The following TDP1 variants were observed in gnomAD, a reference collection of about 807,000 sequenced individuals.
The protein encoded by TDP1 is tyrosyl-DNA phosphodiesterase 1.
A neutral mutation model predicts 81.5 loss-of-function variants in TDP1; 64 were observed. The ratio of observed to expected loss-of-function variants is 0.79; its 90% CI spans 0.64 to 0.97. The LOEUF is 0.97. Ranked by LOEUF, TDP1 falls within the 50% of genes least tolerant of loss-of-function variation. The pLI, the probability that TDP1 is intolerant of heterozygous loss-of-function variation, is 0.00. For missense variants in TDP1, 723 were observed against 743.8 expected (o/e 0.97, Z 0.33); for synonymous variants, 256 against 264.3 (o/e 0.97, Z 0.30).
At chr14:90,007,614 CT>C (rs1449895430) in intron 14 of TDP1, among the ~76,000 whole-genome samples, 1 of 151,964 alleles carries the variant, frequency 6.6e-6, no homozygotes, top group Non-Finnish European at 1.5e-5. Flanking sequence ...GACAAAGTAA[CT>C]GCCAACTAAG....
At chr14:89,975,366 G>A (rs1256561713) in intron 6 of TDP1, 26 of 983,496 alleles carry the variant, frequency 2.6e-5, no homozygotes, top group South Asian at 1.4e-4. Context: ...GTGAGCCACC[G>A]CACCTGGCCT....
Position 89,967,558 on chromosome 14 carries a change from G to T in TDP1, c.659+136G>T, listed in dbSNP as rs1394925030. 5.2e-6 allele frequency: 4 copies of T among 767,556 alleles called. No homozygotes were observed. In the East Asian group the frequency reaches 1.0e-4, roughly 20 times the overall value. The allele number at this position is 767,556 out of a possible 1,614,324, so 47.5% of individuals were successfully genotyped here. ...ACTGTTGAAATCACACAGACATTAA[G>T]TTATATCCGGAAAACAGCATTCTTT... On this transcript the variant is annotated intron_variant, in intron 5 of 16. Coordinates refer to ENST00000335725, the MANE Select transcript of TDP1 (RefSeq NM_018319.4).
chr14:89,971,322 A>G (rs755368044), intron 6 of TDP1, 51 bp downstream of exon 6: 8 of 1,379,744 alleles, frequency 5.8e-6, no homozygotes, highest in African/African-American at 4.3e-5. Context: ...GTTAGAAGGA[A>G]ACTTAGACAT....
In TDP1 at chr14:89,989,003, G is replaced by A; in HGVS notation, c.1230G>A (p.Lys410=). 1 of 1,614,222 alleles carries A rather than the reference G, an allele frequency of 6.2e-7. No individual in the cohort carries two copies. Among genetic ancestry groups the A allele is most frequent in the Non-Finnish European group, 8.5e-7 (1 of 1,180,028 alleles). Residue 410 remains lysine (K), a synonymous_variant, in exon 11 of 17, where the codon AAG becomes AAA. Coordinates refer to ENST00000335725, the MANE Select transcript of TDP1 (RefSeq NM_018319.4). ...GCTCCTTGGGAGCCGATGAATCAAA[G>A]TGGTTATGTTCTGAGTTTAAAGAGA... ...SVGSLGADES[K]WLCSEFKESM...
chr14:89,969,950 C>G (rs1566853034), intron 5 of TDP1, among the ~76,000 whole-genome samples: 1 of 143,914 alleles, frequency 6.9e-6, no homozygotes, highest in Non-Finnish European at 1.5e-5. Flanking sequence ...GATCTCGGCT[C>G]ACTGCAAGCT....
At chr14:89,997,164 C>T (rs1010027074) in intron 14 of TDP1, among the ~76,000 whole-genome samples, 5 of 152,274 alleles carry the variant, frequency 3.3e-5, no homozygotes, top group Non-Finnish European at 5.9e-5. Context: ...GCATTGTCAG[C>T]GTTCTTTCCC....
At chr14:89,970,896 T>C in intron 5 of TDP1, 5 of 339,892 alleles carry the variant, frequency 1.5e-5, no homozygotes, top group Non-Finnish European at 2.1e-5. Context: ...TGGAGTGCAG[T>C]GGCTCAATCT....
chr14:89,972,127 G>T (rs1269700637), intron 6 of TDP1, among the ~76,000 whole-genome samples: 1 of 152,194 alleles, frequency 6.6e-6, no homozygotes, highest in Non-Finnish European at 1.5e-5. Flanking sequence ...CCGCTATGAA[G>T]ACATACCTGA....
intron 14 of TDP1, among the ~76,000 whole-genome samples, chr14:89,999,289 G>C (rs989520934): frequency 6.6e-6 from 1 of 152,114 alleles, no homozygotes; most frequent in African/African-American, 2.4e-5. Context: ...AATTCGTTAT[G>C]AACAACTGAT....
rs147808809 is a variant in TDP1 at position 89,961,997 on chromosome 14, A to G, written c.-7-1111A>G. Among the ~76,000 whole-genome samples, 24 of 152,304 alleles carry G rather than the reference A, an allele frequency of 1.6e-4. No individual in the cohort carries two copies. In the East Asian group the frequency reaches 3.3e-3, roughly 21 times the overall value. On this transcript the variant is annotated intron_variant, in intron 2 of 16. Coordinates refer to ENST00000335725, the MANE Select transcript of TDP1 (RefSeq NM_018319.4). The stretch of plus-strand genomic sequence containing the variant: ...TGTTCTTTAGCTGTCTGGAAAGTCT[A>G]CTTAGATAGTCCTTTACCACTGAAT...
intron 10 of TDP1, 76 bp from the exon 11 acceptor site, chr14:89,988,829 A>C: frequency 6.3e-7 from 1 of 1,597,364 alleles, no homozygotes; most frequent in South Asian, 1.1e-5. Flanking sequence ...AAGAGCAGAA[A>C]ACTGTTTTCA....
At chr14:89,989,570 C>A (rs1895956738) in intron 11 of TDP1, 147 bp from the exon 12 acceptor site, 2 of 1,086,054 alleles carry the variant, frequency 1.8e-6, no homozygotes, top group East Asian at 2.6e-5. Context: ...TCATTTTTTT[C>A]ATAAGATGAG....
At chr14:89,988,785 G>T in intron 10 of TDP1, 120 bp from the exon 11 acceptor site, 1 of 1,543,512 alleles carries the variant, frequency 6.5e-7, no homozygotes, top group Admixed American at 2.0e-5. Context: ...TTGATCACTA[G>T]TATTTTCAGC....
At chr14:90,013,295 C>A (rs1443255226) in intron 14 of TDP1, among the ~76,000 whole-genome samples, 1 of 152,170 alleles carries the variant, frequency 6.6e-6, no homozygotes, top group Non-Finnish European at 1.5e-5. Context: ...TCTGTGTCCT[C>A]ACCCAAATGT....
At position 90,019,374 on chromosome 14, in the gene TDP1, A is replaced by G; in HGVS notation, c.1600A>G (p.Ile534Val). The G allele has an allele frequency of 6.2e-7, 1 of 1,613,226 alleles. No individual in the cohort carries two copies. Among genetic ancestry groups the G allele is most frequent in the Non-Finnish European group, 8.5e-7 (1 of 1,179,232 alleles). The change falls in exon 15 of 17, where the codon ATC (isoleucine) becomes GTC (valine). Residue 534 changes from isoleucine to valine, a missense_variant. By Grantham distance (29) the Ile-to-Val change is conservative. Transcript: ENST00000335725. The part of the protein sequence containing the change: ...ALEKNGTQLM[I>V]RSYELGVLFL... ...GGAGAAGAATGGCACCCAGCTGATG[A>G]TCCGCTCCTACGAGCTCGGGGTCCT...
chr14:90,038,876 C>G (rs1888084734), intron 16 of TDP1, among the ~76,000 whole-genome samples: 1 of 150,938 alleles, frequency 6.6e-6, no homozygotes, highest in South Asian at 2.1e-4. Flanking sequence ...TTTTAAGGAC[C>G]TGTTTTTGAA....
chr14:90,041,212 T>G (rs1005474608), intron 16 of TDP1, among the ~76,000 whole-genome samples: 1 of 152,174 alleles, frequency 6.6e-6, no homozygotes, highest in Non-Finnish European at 1.5e-5. Flanking sequence ...AGATGGAGTT[T>G]CCAGTGGAAG....
At chr14:90,006,296 C>T (rs1436681347) in intron 14 of TDP1, among the ~76,000 whole-genome samples, 3 of 152,148 alleles carry the variant, frequency 2.0e-5, no homozygotes, top group African/African-American at 4.8e-5. Context: ...TGTTAATACA[C>T]TGTATCTGTA....
At chr14:90,009,953 T>G (rs1055264935) in intron 14 of TDP1, among the ~76,000 whole-genome samples, 3 of 152,218 alleles carry the variant, frequency 2.0e-5, no homozygotes, top group African/African-American at 7.2e-5. Context: ...AAAAAAAACC[T>G]TAGCCTATCT....
Sources: allele counts gnomAD v4.1 joint callset (sites outside exome capture counted in the v4.1 genomes callset), GRCh38; gene constraint gnomAD v4.1.1; transcripts MANE v1.5; gene names NCBI Gene and HGNC (gene_info 2026-07-23, HGNC 2026-07-21).